Variants in GALNT13 observed in about 807,000 individuals in gnomAD.
GALNT13 encodes polypeptide N-acetylgalactosaminyltransferase 13, also known as UDP-GalNAc:polypeptide N-acetylgalactosaminyltransferase 13.
In GALNT13, 28 loss-of-function variants were observed where a neutral mutation model predicts 64.2. That is an observed-to-expected ratio of 0.44 (90% CI 0.32 to 0.60). The LOEUF (loss-of-function observed/expected upper bound fraction) is 0.60, where lower values mean the gene tolerates loss of function less well. Among genes scored for constraint, GALNT13 ranks in the 20% least tolerant of loss-of-function variants. The pLI is 0.05. For synonymous variants in GALNT13, 214 were observed against 224.6 expected, an observed-to-expected ratio of 0.95 and a Z score of 0.42; for missense variants, 577 against 669.8, an observed-to-expected ratio of 0.86 and a Z score of 1.53.
chr2:153,902,074 A>G (rs890030464), intron 2 of GALNT13, among the ~76,000 whole-genome samples: 1 of 152,106 alleles, frequency 6.6e-6, no homozygotes, highest in African/African-American at 2.4e-5. Context: ...GACTCTGGTG[A>G]TCTTCAAATT....
chr2:153,874,911 C>G (rs886464036), intron 1 of GALNT13, among the ~76,000 whole-genome samples: 4 of 152,122 alleles, frequency 2.6e-5, no homozygotes, highest in Non-Finnish European at 5.9e-5. Flanking sequence ...AATGTGGCAT[C>G]TCTCAATCTC....
At chr2:153,147,597 T>G in the GALNT13 span, among the ~76,000 whole-genome samples, 1 of 151,140 alleles carries the variant, frequency 6.6e-6, no homozygotes, top group Admixed American at 6.6e-5. Context: ...TTACAGTAAT[T>G]AGAACCAACT....
the GALNT13 span, among the ~76,000 whole-genome samples, chr2:153,284,692 C>T: frequency 1.3e-5 from 2 of 152,090 alleles, no homozygotes; most frequent in Admixed American, 1.3e-4. Flanking sequence ...CCGGGGGAAT[C>T]ACTCACTTTT....
At chr2:153,936,411 G>A (rs757598723) in intron 2 of GALNT13, among the ~76,000 whole-genome samples, 1 of 152,088 alleles carries the variant, frequency 6.6e-6, no homozygotes, top group African/African-American at 2.4e-5. Flanking sequence ...GCAACAAATG[G>A]CACAACATTG....
the GALNT13 span, among the ~76,000 whole-genome samples, chr2:153,850,392 G>A: frequency 0.87 from 132,421 of 152,172 alleles, 58,642 homozygotes; most frequent in Non-Finnish European, 0.94. Context: ...GAAGCCTACA[G>A]GCAACTCTAA....
the GALNT13 span, among the ~76,000 whole-genome samples, chr2:153,371,220 A>G: frequency 5.9e-5 from 9 of 152,242 alleles, no homozygotes; most frequent in Non-Finnish European, 7.3e-5. Flanking sequence ...AAAAGCCTAC[A>G]TAAAACTTCA....
the GALNT13 span, among the ~76,000 whole-genome samples, chr2:153,197,678 C>T: frequency 6.6e-6 from 1 of 152,294 alleles, no homozygotes; most frequent in South Asian, 2.1e-4. Flanking sequence ...GAAGGCAACG[C>T]GTGGGGAAAC....
At chr2:153,208,995 T>TTTTTTA in the GALNT13 span, among the ~76,000 whole-genome samples, 1 of 127,678 alleles carries the variant, frequency 7.8e-6, no homozygotes, top group Non-Finnish European at 1.7e-5. Flanking sequence ...TTTTTTTTTT[T>TTTTTTA]TGAGACGGAG....
At chr2:153,736,253 A>T in the GALNT13 span, among the ~76,000 whole-genome samples, 1 of 152,102 alleles carries the variant, frequency 6.6e-6, no homozygotes, top group East Asian at 1.9e-4. Context: ...ACTCTACTCC[A>T]TGGATTTTAG....
rs1290988270 is a variant in GALNT13 at position 154,041,180 on chromosome 2, G to A, written c.142+96541G>A. ...TTTTATAGATTTCAGTGCCTTGAAG[G>A]CTCATAGGAAATGTAGCTTCTTTTA... On this transcript the variant is annotated intron_variant, in intron 3 of 12. Coordinates refer to ENST00000392825, the MANE Select transcript of GALNT13 (RefSeq NM_052917.4). Among the ~76,000 whole-genome samples the A allele has an allele frequency of 4.3e-5, 6 of 140,388 alleles. 1 individual carries two copies. The highest frequency in any genetic ancestry group is 9.8e-5 in the African/African-American group (4 of 40,826). The allele number at this position is 140,388 out of a possible 152,430, so 92.1% of individuals were successfully genotyped here.
chr2:153,932,234 C>G (rs1204284642), intron 2 of GALNT13, among the ~76,000 whole-genome samples: 1 of 151,730 alleles, frequency 6.6e-6, no homozygotes, highest in East Asian at 1.9e-4. Flanking sequence ...TTCAAAGAAC[C>G]AACTTTTGGC....
the GALNT13 span, among the ~76,000 whole-genome samples, chr2:153,678,607 T>C: frequency 1.3e-5 from 2 of 151,860 alleles, no homozygotes; most frequent in African/African-American, 4.8e-5. Context: ...AAATAATCTG[T>C]ATGCCAAACC....
intron 9 of GALNT13, among the ~76,000 whole-genome samples, chr2:154,390,096 A>C (rs1012155849): frequency 2.0e-5 from 3 of 152,194 alleles, no homozygotes; most frequent in Non-Finnish European, 4.4e-5. Context: ...AATCATAAAT[A>C]TCAGTTCTAT....
At chr2:153,854,965 T>C in the GALNT13 span, among the ~76,000 whole-genome samples, 4 of 152,174 alleles carry the variant, frequency 2.6e-5, no homozygotes, top group African/African-American at 9.7e-5. Flanking sequence ...AAGTTGATAT[T>C]GTAATGATAT....
chr2:153,648,279 G>T, the GALNT13 span, among the ~76,000 whole-genome samples: 7 of 152,224 alleles, frequency 4.6e-5, no homozygotes, highest in South Asian at 8.3e-4. Context: ...TCTGATATTG[G>T]TGTATAAGAA....
the GALNT13 span, among the ~76,000 whole-genome samples, chr2:153,139,906 T>C: frequency 6.6e-6 from 1 of 151,990 alleles, no homozygotes; most frequent in East Asian, 1.9e-4. Flanking sequence ...ATAATGACTA[T>C]CATCTTTAGT....
At chr2:154,456,184 G>GT (rs1194339512), downstream of GALNT13, among the ~76,000 whole-genome samples, 1 of 54,160 alleles carries the variant, frequency 1.8e-5, no homozygotes, top group Non-Finnish European at 3.6e-5. Context: ...TTTTTGTTTT[G>GT]TTTTGTTTTG....
chr2:153,097,510 T>C, the GALNT13 span, among the ~76,000 whole-genome samples: 2 of 152,192 alleles, frequency 1.3e-5, no homozygotes, highest in Admixed American at 6.5e-5. Context: ...AATGCTTAGA[T>C]GTATACCAGT....
At chr2:154,007,755 A>C (rs1395437465) in intron 3 of GALNT13, among the ~76,000 whole-genome samples, 1 of 151,974 alleles carries the variant, frequency 6.6e-6, no homozygotes, top group Non-Finnish European at 1.5e-5. Flanking sequence ...TTTTTTGTAT[A>C]GAAGGAGCAT....
Sources: allele counts gnomAD v4.1 joint callset (sites outside exome capture counted in the v4.1 genomes callset), GRCh38; gene constraint gnomAD v4.1.1; transcripts MANE v1.5; gene names NCBI Gene and HGNC (gene_info 2026-07-23, HGNC 2026-07-21).